LSS: variants seen among roughly 807,000 people sequenced by gnomAD.
LSS encodes the protein lanosterol synthase.
LSS carries 90 observed loss-of-function variants against 110.3 expected under a neutral mutation model. The observed-to-expected ratio is 0.82, with a 90% CI of 0.69 to 0.97. The LOEUF (loss-of-function observed/expected upper bound fraction) is 0.97. LSS is among the 50% of genes least tolerant of loss of function. LSS has a pLI of 0.00. For synonymous variants in LSS, 433 were observed against 400.0 expected, an observed-to-expected ratio of 1.08 and a Z score of -0.98; for missense variants, 927 against 990.0, an observed-to-expected ratio of 0.94 and a Z score of 0.85.
rs775074559 is a variant in LSS, at chr21:46,215,798, T to C, written c.784-5A>G. ...GAAGTCCTCCACATAGAGCTCCTGG[T>C]GGGGGCAGTGTCTGAGCCTTGGGGC... On this transcript the variant is annotated splice_polypyrimidine_tract_variant and splice_region_variant and intron_variant, in intron 7 of 21. Transcript: ENST00000397728. The C allele has an allele frequency of 4.4e-6, 7 of 1,598,288 alleles. No individual in the cohort carries two copies. Among genetic ancestry groups the C allele is most frequent in the Non-Finnish European group, 6.0e-6 (7 of 1,168,064 alleles).
chr21:46,220,840 T>TGGGGCTTGGAGAGGTAGCCAGGCC (rs2080269026), intron 5 of LSS, among the ~76,000 whole-genome samples: 1 of 120,990 alleles, frequency 8.3e-6, no homozygotes, highest in African/African-American at 3.2e-5. Context: ...GTGGACAGCC[T>TGGGGCTTGGAGAGGTAGCCAGGCC]GGGGCTTGGA....
At chr21:46,225,442 G>T (rs2080325842) in intron 3 of LSS, 2 of 449,190 alleles carry the variant, frequency 4.5e-6, no homozygotes, top group South Asian at 3.1e-5. Flanking sequence ...TTAGCATACC[G>T]GGAAAGGGAA....
chr21:46,220,478 G>C (rs982853223), intron 5 of LSS: 1 of 152,714 alleles, frequency 6.5e-6, no homozygotes, highest in African/African-American at 2.4e-5. Context: ...GGAGTGGAAG[G>C]TAAGAGGCTC....
intron 17 of LSS, among the ~76,000 whole-genome samples, chr21:46,204,972 G>C (rs572169673): frequency 6.6e-6 from 1 of 152,010 alleles, no homozygotes; most frequent in African/African-American, 2.4e-5. Flanking sequence ...TGTGACCAAG[G>C]TGAGTCTACA....
Position 46,221,854 on chromosome 21 carries a change from C to A in LSS, c.550G>T (p.Gly184Cys), listed in dbSNP as rs2080283273. The change falls in exon 5 of 22, where the codon GGT (glycine) becomes TGT (cysteine). Residue 184 changes from glycine to cysteine, a missense_variant and splice_region_variant. By Grantham distance (159) the Gly-to-Cys change is radical (BLOSUM62 -3). Transcript: ENST00000397728. ...VRARNILHKK[G>C]GAVAIPSWGK... ...CCAGCACATGCTGCACATGCCGTAC[C>A]TTTCTTGTGAAGAATGTTCCGGGCT... 1 of 1,614,002 alleles carries A rather than the reference C, an allele frequency of 6.2e-7. No individual in the cohort carries two copies. The highest frequency in any genetic ancestry group is 1.7e-5 in the Admixed American group (1 of 60,004).
chr21:46,221,828 C>T, intron 5 of LSS, 26 bp downstream of exon 5: 1 of 1,613,574 alleles, frequency 6.2e-7, no homozygotes, highest in South Asian at 1.1e-5. Context: ...GAACCCCTGG[C>T]CCAGCACATG....
At chr21:46,197,058 G>A (rs887015404) in intron 17 of LSS, among the ~76,000 whole-genome samples, 4 of 152,250 alleles carry the variant, frequency 2.6e-5, no homozygotes, top group East Asian at 1.9e-4. Flanking sequence ...GACGACCTGC[G>A]AGGCCGCGCC....
intron 20 of LSS, chr21:46,193,163 G>A (rs966324153): frequency 4.5e-6 from 2 of 445,696 alleles, no homozygotes; most frequent in African/African-American, 4.1e-5. Context: ...GTGTGCATCT[G>A]TCTTCATGTA....
chr21:46,196,521 A>G, intron 17 of LSS: 1 of 522,446 alleles, frequency 1.9e-6, no homozygotes, highest in East Asian at 3.0e-5. Flanking sequence ...CTGCAGACAC[A>G]GCTGCAAACA....
intron 17 of LSS, among the ~76,000 whole-genome samples, chr21:46,199,615 G>A (rs2079953691): frequency 1.3e-5 from 2 of 152,182 alleles, no homozygotes; most frequent in South Asian, 4.1e-4. Context: ...CACCTTAGTA[G>A]GTGAATGAAT....
Position 46,194,582 on chromosome 21 carries a change from A to C in LSS, c.1897T>G (p.Phe633Val). Reference sequence around the variant, plus strand: ...TAACGCCGCTCCTCGCAGGACTCAAAGTCCTCCCCCCAGCCTCCGTCTGCC... The same window carrying C: ...TAACGCCGCTCCTCGCAGGACTCAACGTCCTCCCCCCAGCCTCCGTCTGCC... ...QMADGGWGEDFESCEERRYLQ... is the reference protein window; with the variant it reads ...QMADGGWGEDVESCEERRYLQ... The change falls in exon 20 of 22, where the codon TTT becomes GTT. Residue 633 changes from phenylalanine to valine, a missense_variant. Physicochemically the swap from Phe to Val is conservative, Grantham distance 50. Transcript: ENST00000397728. The C allele has an allele frequency of 5.0e-6, 8 of 1,613,778 alleles. No homozygotes were observed. The highest frequency in any genetic ancestry group is 6.8e-6 in the Non-Finnish European group (8 of 1,179,966).
rs2079900365 is a variant in LSS at position 46,195,702 on chromosome 21, G to A, written c.1791C>T (p.Ala597=). The A allele has an allele frequency of 1.2e-6, 2 of 1,613,528 alleles. No individual in the cohort carries two copies. Among genetic ancestry groups the A allele is most frequent in the Non-Finnish European group, 1.7e-6 (2 of 1,180,002 alleles). ...YGTWFGLEAF[A]CMGQTYRDGT... is the part of the protein sequence containing the mutation. ...CATCTCGGTAGGTCTGCCCCATACA[G>A]GCGAAGGCCTCCAGGCCAAACCAGG... Residue 597 remains alanine, a synonymous_variant, in exon 19 of 22, where the codon GCC becomes GCT. Transcript: ENST00000397728.
At position 46,216,420 on chromosome 21, in the gene LSS, G is replaced by A. The variant is rs61735801; in HGVS notation, c.752C>T (p.Ala251Val). 2,680 of 1,613,826 alleles carry A rather than the reference G, an allele frequency of 1.7e-3. 58 individuals are homozygous for A. In the African/African-American group the frequency reaches 0.032, roughly 19 times the overall value. ...GAGGCTCTGGACCAGCGGGTCTTCC[G>A]CGGCACTCAGCCGAACGGCGTAGCA... ...SYCYAVRLSA[A>V]EDPLVQSLRQ... Residue 251 changes from alanine to valine, a missense_variant, in exon 7 of 22, where the codon GCG becomes GTG. Physicochemically the swap from Ala to Val is moderately conservative, Grantham distance 64. Coordinates refer to ENST00000397728, the MANE Select transcript of LSS (RefSeq NM_002340.6). The surrounding 1 kb of genome is among the most constrained non-coding windows in gnomAD (Gnocchi z 4.2).
rs535775454 is a variant in LSS at position 46,219,053 on chromosome 21, C to T, written c.647+423G>A. 5.3e-5 allele frequency among the ~76,000 whole-genome samples: 8 copies of T among 152,290 alleles called. No homozygotes were observed. In the South Asian group the frequency reaches 8.3e-4, roughly 16 times the overall value. On this transcript the variant is annotated intron_variant, in intron 6 of 21. Coordinates refer to ENST00000397728, the MANE Select transcript of LSS (RefSeq NM_002340.6). Reference sequence around the variant, plus strand: ...GACACTGATCTTTTAAAGGCACACACGCTGAGTCCACAGGTGAGGTGTCAC... The same window carrying T: ...GACACTGATCTTTTAAAGGCACACATGCTGAGTCCACAGGTGAGGTGTCAC...
At chr21:46,211,555 C>T (rs574749903) in intron 11 of LSS, among the ~76,000 whole-genome samples, 12 of 152,288 alleles carry the variant, frequency 7.9e-5, no homozygotes, top group East Asian at 1.9e-4. Flanking sequence ...TTCAAAGGGC[C>T]GGTGACCAAA....
chr21:46,198,076 G>A lies in LSS; in HGVS notation c.1671-1809C>T, dbSNP rs142788619. 3.1e-3 allele frequency among the ~76,000 whole-genome samples: 470 copies of A among 152,054 alleles called. 20 individuals are homozygous for A. In the East Asian group the frequency reaches 0.073, roughly 24 times the overall value. ...CAGACGGGAGTTTGAGACCAGCCTG[G>A]GCAACAGAGCAAGATCCCATCTCTA... On this transcript the variant is annotated intron_variant, in intron 17 of 21. Coordinates refer to ENST00000397728, the MANE Select transcript of LSS (RefSeq NM_002340.6).
Position 46,221,742 on chromosome 21 carries a change from T to G in LSS, c.550+112A>C, listed in dbSNP as rs1315811584. ...TGCTTTGACAAATTCCCTGCTCATG[T>G]GCTTTTGCCCACTGTTTCAGCTGCA... On this transcript the variant is annotated intron_variant, in intron 5 of 21. Transcript: ENST00000397728. 4.1e-6 allele frequency: 6 copies of G among 1,478,194 alleles called. No individual in the cohort carries two copies. The African/African-American group carries it at 8.3e-5, about 20-fold the overall frequency. 91.6% of individuals were successfully genotyped at this position (1,478,194 alleles called of 1,614,324 possible).
At position 46,188,879 on chromosome 21, in the gene LSS, G is replaced by A. The variant is rs753859606; in HGVS notation, c.*2225C>T. 8.6e-5 allele frequency: 37 copies of A among 430,608 alleles called. No homozygotes were observed. Among genetic ancestry groups the A allele is most frequent in the Non-Finnish European group, 1.5e-4 (31 of 205,600 alleles). The allele number at this position is 430,608 out of a possible 1,614,324, so 26.7% of individuals were successfully genotyped here. The stretch of plus-strand genomic sequence containing the variant: ...TCCTCCTATGTGGACATTGTATCAC[G>A]TTTATTTATCTTCCTGGATATGCTT... On this transcript the variant is annotated 3_prime_UTR_variant, in exon 22 of 22. Coordinates refer to ENST00000397728, the MANE Select transcript of LSS (RefSeq NM_002340.6).
rs1293395738 is a variant in LSS, at chr21:46,190,642, G to A, written c.*462C>T. 5.9e-6 allele frequency: 1 copy of A among 170,128 alleles called. No individual in the cohort carries two copies. The highest frequency in any genetic ancestry group is 1.3e-5 in the Non-Finnish European group (1 of 79,350). The allele number at this position is 170,128 out of a possible 1,614,324, so 10.5% of individuals were successfully genotyped here. The stretch of plus-strand genomic sequence containing the variant: ...CTGCCATTGTCACAGGGTTGCCCTC[G>A]TGTCCCTCAGCCCAGCAGACAAAAG... On this transcript the variant is annotated 3_prime_UTR_variant, in exon 22 of 22. Transcript: ENST00000397728. The surrounding 1 kb of genome is among the most constrained non-coding windows in gnomAD (Gnocchi z 4.6).
Sources: gnomAD v4.1 joint callset for allele counts (sites outside exome capture counted in the v4.1 genomes callset) on GRCh38, gnomAD v4.1.1 for gene constraint, Gnocchi (gnomAD v3.1) non-coding constraint, MANE v1.5 for transcripts, NCBI Gene and HGNC (gene_info 2026-07-23, HGNC 2026-07-21) for gene names.